TRIM44: variants seen among roughly 807,000 people sequenced by gnomAD.
TRIM44 encodes tripartite motif-containing protein 44.
In TRIM44, 13 loss-of-function variants were observed where a neutral mutation model predicts 37.4. The observed-to-expected ratio is 0.35, with a 90% CI of 0.23 to 0.55. The LOEUF (loss-of-function observed/expected upper bound fraction) is 0.55, where lower values mean the gene tolerates loss of function less well. Ranked by LOEUF, TRIM44 falls within the 20% of genes least tolerant of loss-of-function variation. TRIM44 has a pLI of 0.89. For missense variants in TRIM44, 426 were observed against 437.2 expected, an observed-to-expected ratio of 0.97 and a Z score of 0.23; for synonymous variants, 175 against 157.2, an observed-to-expected ratio of 1.11 and a Z score of -0.85.
chr11:35,783,238 T>C (rs968766641), intron 4 of TRIM44, among the ~76,000 whole-genome samples: 1 of 152,120 alleles, frequency 6.6e-6, no homozygotes, highest in Admixed American at 6.6e-5. Flanking sequence ...CCCTCAGGAT[T>C]CAAACTTCAT....
At chr11:35,735,238 T>C (rs1852313906) in intron 3 of TRIM44, among the ~76,000 whole-genome samples, 188 bp from the exon 4 acceptor site, 1 of 152,190 alleles carries the variant, frequency 6.6e-6, no homozygotes, top group Non-Finnish European at 1.5e-5. Context: ...TCATCTCCAC[T>C]GGGCAGTTTG....
chr11:35,683,295 C>T (rs1233898384), intron 1 of TRIM44, among the ~76,000 whole-genome samples: 1 of 151,878 alleles, frequency 6.6e-6, no homozygotes, highest in Non-Finnish European at 1.5e-5. Flanking sequence ...AAATTTAGAA[C>T]CTTTGCTAAC....
intron 4 of TRIM44, among the ~76,000 whole-genome samples, chr11:35,762,792 C>A (rs1852746211): frequency 6.6e-6 from 1 of 152,150 alleles, no homozygotes; most frequent in South Asian, 2.1e-4. Context: ...AGCTATATAA[C>A]TTTAGACCTA....
chr11:35,693,541 G>A (rs1364285640), intron 2 of TRIM44, among the ~76,000 whole-genome samples: 1 of 152,066 alleles, frequency 6.6e-6, no homozygotes, highest in Non-Finnish European at 1.5e-5. Flanking sequence ...TTTCTTTAAA[G>A]TCTTAGTTTG....
chr11:35,765,956 G>A (rs1214994771), intron 4 of TRIM44, among the ~76,000 whole-genome samples: 2 of 152,198 alleles, frequency 1.3e-5, no homozygotes, highest in African/African-American at 4.8e-5. Flanking sequence ...GGTAAGGAAA[G>A]GATATGGTAC....
intron 3 of TRIM44, among the ~76,000 whole-genome samples, chr11:35,731,293 G>C (rs1385066546): frequency 6.6e-6 from 1 of 152,114 alleles, no homozygotes; most frequent in Admixed American, 6.5e-5. Flanking sequence ...TATACAAACT[G>C]ATGTTGACTT....
chr11:35,726,267 C>A, intron 3 of TRIM44, 104 bp downstream of exon 3: 1 of 1,429,448 alleles, frequency 7.0e-7, no homozygotes, highest in Non-Finnish European at 9.5e-7. Flanking sequence ...GAATTGAAGT[C>A]TAGGTAGAGT....
chr11:35,774,315 G>T (rs1310305727), intron 4 of TRIM44, among the ~76,000 whole-genome samples: 1 of 152,078 alleles, frequency 6.6e-6, no homozygotes, highest in Non-Finnish European at 1.5e-5. Context: ...TTTTGATGGG[G>T]TTGATTTTTT....
intron 4 of TRIM44, among the ~76,000 whole-genome samples, chr11:35,761,945 C>T (rs755632669): frequency 6.6e-6 from 1 of 152,238 alleles, no homozygotes; most frequent in African/African-American, 2.4e-5. Flanking sequence ...ACTGTATTCT[C>T]AGGAATACAA....
intron 3 of TRIM44, among the ~76,000 whole-genome samples, chr11:35,730,875 G>T (rs186800853): frequency 7.9e-4 from 109 of 137,904 alleles, no homozygotes; most frequent in African/African-American, 2.8e-3. Context: ...TTTTTGAGAC[G>T]GAGGTTTGCT....
At chr11:35,698,007 T>G (rs1165096902) in intron 2 of TRIM44, among the ~76,000 whole-genome samples, 22 of 151,898 alleles carry the variant, frequency 1.4e-4, no homozygotes, top group Middle Eastern at 3.4e-3. Flanking sequence ...TTTCTAGTTC[T>G]AGATCCCTGA....
rs78892605 is a variant in TRIM44, at chr11:35,670,873, G to A, written c.669+7093G>A. Among the ~76,000 whole-genome samples, 11 of 152,294 alleles carry A rather than the reference G, an allele frequency of 7.2e-5. No individual in the cohort carries two copies. In the East Asian group the frequency reaches 2.1e-3, roughly 29 times the overall value. ...AAAGAGCATGACATTTGCTCTTTTA[G>A]GTAGCTAGGGTGAGAAGCTGCTCAT... On this transcript the variant is annotated intron_variant, in intron 1 of 4. Coordinates refer to ENST00000299413, the MANE Select transcript of TRIM44 (RefSeq NM_017583.6).
At chr11:35,679,283 A>G (rs1663654851) in intron 1 of TRIM44, among the ~76,000 whole-genome samples, 1 of 152,136 alleles carries the variant, frequency 6.6e-6, no homozygotes, top group South Asian at 2.1e-4. Flanking sequence ...TCCTATTCTG[A>G]TGCCACTGCT....
intron 4 of TRIM44, among the ~76,000 whole-genome samples, chr11:35,753,545 A>G (rs1293924681): frequency 6.6e-6 from 1 of 152,156 alleles, no homozygotes; most frequent in Non-Finnish European, 1.5e-5. Context: ...ATATTAAACC[A>G]TCTAGGAGCA....
chr11:35,788,918 A>T (rs1853164340), intron 4 of TRIM44, among the ~76,000 whole-genome samples: 1 of 152,228 alleles, frequency 6.6e-6, no homozygotes, highest in African/African-American at 2.4e-5. Context: ...AAACTTTTAC[A>T]GACAGAATTA....
At chr11:35,688,803 A>G (rs1851609999) in intron 2 of TRIM44, among the ~76,000 whole-genome samples, 1 of 152,226 alleles carries the variant, frequency 6.6e-6, no homozygotes, top group African/African-American at 2.4e-5. Flanking sequence ...GTGGCTAGAC[A>G]ATGTTCATTT....
At chr11:35,702,037 C>T (rs1851794681) in intron 2 of TRIM44, among the ~76,000 whole-genome samples, 1 of 152,130 alleles carries the variant, frequency 6.6e-6, no homozygotes. Flanking sequence ...TAGCAAAAGC[C>T]TCTCAATTTT....
rs986783609 is a variant in TRIM44, at chr11:35,809,011, T to C, written c.*2626T>C. ...CACCAAGGGAGGCAGGTAATGAATGTTTCCAGAATCAGTCGGATACTCATA... is the reference window on the plus strand; with the variant it reads ...CACCAAGGGAGGCAGGTAATGAATGCTTCCAGAATCAGTCGGATACTCATA... On this transcript the variant is annotated 3_prime_UTR_variant, in exon 5 of 5. Transcript: ENST00000299413. 2 of 152,230 alleles carry C rather than the reference T, an allele frequency of 1.3e-5. No homozygotes were observed. Among genetic ancestry groups the C allele is most frequent in the African/African-American group, 4.8e-5 (2 of 41,450 alleles). The allele number at this position is 152,230 out of a possible 1,614,324, so 9.4% of individuals were successfully genotyped here.
intron 2 of TRIM44, among the ~76,000 whole-genome samples, chr11:35,699,950 G>C (rs1019298959): frequency 3.9e-5 from 6 of 151,952 alleles, no homozygotes; most frequent in African/African-American, 9.7e-5. Context: ...AAATAAAAGA[G>C]GATACAAAGA....
Sources: gnomAD v4.1 joint callset for allele counts (sites outside exome capture counted in the v4.1 genomes callset) on GRCh38, gnomAD v4.1.1 for gene constraint, MANE v1.5 for transcripts, NCBI Gene and HGNC (gene_info 2026-07-23, HGNC 2026-07-21) for gene names.